AGTR1: variants seen among roughly 807,000 people sequenced by gnomAD.
AGTR1 encodes the protein angiotensin II receptor type 1.
A neutral mutation model predicts 19.4 loss-of-function variants in AGTR1; 16 were observed. The observed-to-expected ratio is 0.82, with a 90% CI of 0.56 to 1.25. The LOEUF (loss-of-function observed/expected upper bound fraction) is 1.25, where lower values mean the gene tolerates loss of function less well. AGTR1 is among the 50% of genes most tolerant of loss of function. AGTR1 has a pLI of 0.00. For missense variants in AGTR1, 373 were observed against 431.9 expected (o/e 0.86, Z 1.21); for synonymous variants, 153 against 154.9 (o/e 0.99, Z 0.09).
intron 2 of AGTR1, chr3:148,730,543 T>C (rs56383020): frequency 3.2e-4 from 73 of 227,838 alleles, no homozygotes; most frequent in Non-Finnish European, 5.5e-4. Flanking sequence ...TGATGCTTCA[T>C]AAATGTTAAA....
chr3:148,713,311 GA>G (rs1317779146), intron 2 of AGTR1, among the ~76,000 whole-genome samples: 7 of 135,490 alleles, frequency 5.2e-5, no homozygotes, highest in Middle Eastern at 3.5e-3. Flanking sequence ...ATATTGGTTG[GA>G]GGGGGGGAAT....
chr3:148,713,829 C>T (rs143857819), intron 2 of AGTR1, among the ~76,000 whole-genome samples: 6 of 152,214 alleles, frequency 3.9e-5, no homozygotes, highest in Admixed American at 6.5e-5. Context: ...AATGGTTTTA[C>T]GTAGGGCAAT....
At chr3:148,736,027 C>A (rs1385346331) in intron 2 of AGTR1, among the ~76,000 whole-genome samples, 1 of 151,122 alleles carries the variant, frequency 6.6e-6, no homozygotes, top group Non-Finnish European at 1.5e-5. Flanking sequence ...ATTTTTTTTT[C>A]TTTAGATTGC....
chr3:148,711,353 G>A lies in AGTR1; in HGVS notation c.-48+3326G>A, dbSNP rs766499852. 5.9e-5 allele frequency among the ~76,000 whole-genome samples: 9 copies of A among 152,240 alleles called. No homozygotes were observed. In the South Asian group the frequency reaches 1.9e-3, roughly 32 times the overall value. On this transcript the variant is annotated intron_variant, in intron 2 of 2. Coordinates refer to ENST00000349243, the MANE Select transcript of AGTR1 (RefSeq NM_000685.5). Reference sequence around the variant, plus strand: ...TGTCTTTGAGTCATCAAAGCATCAAGGGTTTGAAATAGCTATATAACTAGC... The same window carrying A: ...TGTCTTTGAGTCATCAAAGCATCAAAGGTTTGAAATAGCTATATAACTAGC...
At chr3:148,724,911 A>G (rs1369182393) in intron 2 of AGTR1, among the ~76,000 whole-genome samples, 2 of 152,208 alleles carry the variant, frequency 1.3e-5, no homozygotes, top group Non-Finnish European at 2.9e-5. Context: ...ATTCTCACAA[A>G]GTCCTAATGA....
chr3:148,741,127 T>G lies in AGTR1; in HGVS notation c.92T>G (p.Ile31Ser). The stretch of plus-strand genomic sequence containing the variant: ...AGGCATAATTACATATTTGTCATGA[T>G]TCCTACTTTATACAGTATCATCTTT... ...AGRHNYIFVMIPTLYSIIFVV... is the reference protein window; with the variant it reads ...AGRHNYIFVMSPTLYSIIFVV... Residue 31 changes from isoleucine to serine, a missense_variant, in exon 3 of 3, where the codon ATT becomes AGT. Physicochemically the swap from Ile to Ser is moderately radical, Grantham distance 142 (BLOSUM62 -2). Coordinates refer to ENST00000349243, the MANE Select transcript of AGTR1 (RefSeq NM_000685.5). The G allele has an allele frequency of 6.2e-7, 1 of 1,614,204 alleles. No individual in the cohort carries two copies. Among genetic ancestry groups the G allele is most frequent in the Non-Finnish European group, 8.5e-7 (1 of 1,180,018 alleles).
chr3:148,719,486 T>C (rs1350499026), intron 2 of AGTR1, among the ~76,000 whole-genome samples: 1 of 152,228 alleles, frequency 6.6e-6, no homozygotes, highest in Admixed American at 6.5e-5. Flanking sequence ...AACATATATT[T>C]TTGTACACAG....
At chr3:148,728,052 G>A (rs1208292800) in intron 2 of AGTR1, among the ~76,000 whole-genome samples, 1 of 152,082 alleles carries the variant, frequency 6.6e-6, no homozygotes, top group Non-Finnish European at 1.5e-5. Context: ...AAAATGTCTC[G>A]AGACATTGCC....
At chr3:148,701,110 T>C (rs1437006084) in intron 1 of AGTR1, among the ~76,000 whole-genome samples, 1 of 152,180 alleles carries the variant, frequency 6.6e-6, no homozygotes, top group Non-Finnish European at 1.5e-5. Flanking sequence ...GGACTTAAGG[T>C]AATATTCAAC....
intron 1 of AGTR1, among the ~76,000 whole-genome samples, chr3:148,699,747 C>T (rs928520108): frequency 6.6e-6 from 1 of 152,156 alleles, no homozygotes; most frequent in Non-Finnish European, 1.5e-5. Context: ...TAGGTCTCAA[C>T]ATTTGCTTAA....
chr3:148,740,670 T>C (rs1205455888), intron 2 of AGTR1, among the ~76,000 whole-genome samples: 1 of 152,344 alleles, frequency 6.6e-6, no homozygotes, highest in South Asian at 2.1e-4. Flanking sequence ...AGATTTAGGT[T>C]ATGTTTTTAA....
intron 1 of AGTR1, among the ~76,000 whole-genome samples, chr3:148,698,844 G>GTT (rs1712144441): frequency 2.6e-5 from 4 of 152,150 alleles, no homozygotes; most frequent in African/African-American, 9.7e-5. Context: ...GGACTAAACA[G>GTT]AGCCTCTGGC....
At position 148,742,246 on chromosome 3, in the gene AGTR1, T is replaced by C. The variant is rs748368925; in HGVS notation, c.*131T>C. The C allele has an allele frequency of 1.4e-5, 18 of 1,276,896 alleles. No individual in the cohort carries two copies. The highest frequency in any genetic ancestry group is 2.1e-5 in the Non-Finnish European group (18 of 873,692). The allele number at this position is 1,276,896 out of a possible 1,614,324, so 79.1% of individuals were successfully genotyped here. A position where few individuals can be genotyped will look rare whatever the true frequency, so the allele number is the denominator to read the frequency against. On this transcript the variant is annotated 3_prime_UTR_variant, in exon 3 of 3. Coordinates refer to ENST00000349243, the MANE Select transcript of AGTR1 (RefSeq NM_000685.5). ...GAAGGAGAAAATGCATTATGTGGAC[T>C]GAACCGACTTTTCTAAAGCTCTGAA...
chr3:148,705,246 C>T (rs1307118412), intron 1 of AGTR1, among the ~76,000 whole-genome samples: 1 of 152,104 alleles, frequency 6.6e-6, no homozygotes, highest in Non-Finnish European at 1.5e-5. Context: ...GAAAAATTCT[C>T]GTAGCATAGC....
chr3:148,725,243 T>G (rs187192873), intron 2 of AGTR1, among the ~76,000 whole-genome samples: 1 of 152,330 alleles, frequency 6.6e-6, no homozygotes, highest in African/African-American at 2.4e-5. Context: ...ACCAAAGGTC[T>G]ATAGTGTGAT....
At chr3:148,708,814 C>T (rs569193173) in intron 2 of AGTR1, among the ~76,000 whole-genome samples, 25 of 152,342 alleles carry the variant, frequency 1.6e-4, no homozygotes, top group African/African-American at 5.8e-4. Flanking sequence ...AACAAGCCCT[C>T]AGCTTCTCCT....
Position 148,742,235 on chromosome 3 carries a change from A to AT in AGTR1, c.*122dup. 3 of 1,388,486 alleles carry AT rather than the reference A, an allele frequency of 2.2e-6. No homozygotes were observed. The South Asian group carries it at 3.5e-5, about 16-fold the overall frequency. 86.0% of individuals were successfully genotyped at this position (1,388,486 alleles called of 1,614,324 possible). On this transcript the variant is annotated 3_prime_UTR_variant, in exon 3 of 3. Coordinates refer to ENST00000349243, the MANE Select transcript of AGTR1 (RefSeq NM_000685.5). ...TTTTCAGAATTGAAGGAGAAAATGC[A>AT]TTATGTGGACTGAACCGACTTTTCT...
intron 1 of AGTR1, among the ~76,000 whole-genome samples, chr3:148,704,324 C>A (rs1712541094): frequency 6.6e-6 from 1 of 151,854 alleles, no homozygotes; most frequent in Non-Finnish European, 1.5e-5. Context: ...CATGATCACA[C>A]CACTGCACTC....
rs181461046 is a variant in AGTR1, at chr3:148,733,199, A to G, written c.-47-7790A>G. Among the ~76,000 whole-genome samples, 208 of 152,302 alleles carry G rather than the reference A, an allele frequency of 1.4e-3. 1 individual carries two copies. Among genetic ancestry groups the G allele is most frequent in the African/African-American group, 4.4e-3 (183 of 41,576 alleles). ...CCACCAATTTGCAGGCTATCGTTAAAGAATATTTCTTCTGCAATCAGAACA... is the reference window on the plus strand; with the variant it reads ...CCACCAATTTGCAGGCTATCGTTAAGGAATATTTCTTCTGCAATCAGAACA... On this transcript the variant is annotated intron_variant, in intron 2 of 2. Coordinates refer to ENST00000349243, the MANE Select transcript of AGTR1 (RefSeq NM_000685.5).
Sources: gnomAD v4.1 joint callset for allele counts (sites outside exome capture counted in the v4.1 genomes callset) on GRCh38, gnomAD v4.1.1 for gene constraint, MANE v1.5 for transcripts, NCBI Gene and HGNC (gene_info 2026-07-23, HGNC 2026-07-21) for gene names.